SCYL2: variants seen among roughly 807,000 people sequenced by gnomAD.
SCYL2 encodes SCY1 like pseudokinase 2, also known as SCY1-like protein 2.
SCYL2 carries 36 observed loss-of-function variants against 100.4 expected under a neutral mutation model. The ratio of observed to expected loss-of-function variants is 0.36; its 90% confidence interval spans 0.27 to 0.47. The LOEUF (loss-of-function observed/expected upper bound fraction) is 0.47. Among genes scored for constraint, SCYL2 ranks in the 20% least tolerant of loss-of-function variants. The pLI, the probability that SCYL2 is intolerant of heterozygous loss-of-function variation, is 1.00. For missense variants in SCYL2, 902 were observed against 1,083.9 expected (o/e 0.83, Z 2.36); for synonymous variants, 330 against 359.2 (o/e 0.92, Z 0.92).
intron 11 of SCYL2, among the ~76,000 whole-genome samples, chr12:100,324,388 G>A (rs2096359516): frequency 6.6e-6 from 1 of 152,038 alleles, no homozygotes; most frequent in Non-Finnish European, 1.5e-5. Context: ...TGCCTGACCA[G>A]TTCTTGATAT....
chr12:100,321,525 C>T (rs971461782), intron 10 of SCYL2, among the ~76,000 whole-genome samples: 21 of 152,192 alleles, frequency 1.4e-4, no homozygotes, highest in African/African-American at 4.8e-4. Context: ...TGCCAGTTAT[C>T]ATTTCTACTA....
chr12:100,320,373 C>T (rs542071197), intron 10 of SCYL2, among the ~76,000 whole-genome samples: 12 of 151,856 alleles, frequency 7.9e-5, no homozygotes, highest in Non-Finnish European at 1.5e-4. Context: ...GGCGAAACCC[C>T]GTCTCTACTA....
At chr12:100,300,077 A>G (rs954420266) in intron 4 of SCYL2, among the ~76,000 whole-genome samples, 1 of 152,140 alleles carries the variant, frequency 6.6e-6, no homozygotes, top group Non-Finnish European at 1.5e-5. Context: ...GTAGTATCTC[A>G]TAGTGCTTTT....
chr12:100,294,356 A>AG (rs2096314804), intron 3 of SCYL2, among the ~76,000 whole-genome samples: 1 of 39,994 alleles, frequency 2.5e-5, no homozygotes. Flanking sequence ...CTCACCTCCC[A>AG]GACGGGGCGG....
chr12:100,275,647 T>C (rs1430831177), intron 1 of SCYL2, among the ~76,000 whole-genome samples: 1 of 152,248 alleles, frequency 6.6e-6, no homozygotes, highest in Non-Finnish European at 1.5e-5. Context: ...ATTCTTTCTT[T>C]GCAGTCCGAA....
At chr12:100,309,837 G>A (rs1023695482) in intron 4 of SCYL2, among the ~76,000 whole-genome samples, 4 of 152,094 alleles carry the variant, frequency 2.6e-5, no homozygotes, top group African/African-American at 9.7e-5. Context: ...ATTTTTGGGG[G>A]GAACAATTAT....
rs891462362 is a variant in SCYL2, at chr12:100,296,030, T to C, written c.336-2001T>C. On this transcript the variant is annotated intron_variant, in intron 3 of 17. Transcript: ENST00000360820. ...GCAGAATTACATGTCTTATATCTCA[T>C]AATTACATTTCAAGTCTCTTGAGGG... Among the ~76,000 whole-genome samples the C allele has an allele frequency of 2.0e-5, 3 of 152,212 alleles. No homozygotes were observed. The South Asian group carries it at 6.2e-4, about 31-fold the overall frequency.
intron 4 of SCYL2, among the ~76,000 whole-genome samples, chr12:100,307,035 G>A (rs1476325164): frequency 1.3e-5 from 2 of 152,194 alleles, no homozygotes; most frequent in Non-Finnish European, 2.9e-5. Flanking sequence ...CACATGGATA[G>A]GAAGAATTAA....
chr12:100,306,775 T>C (rs927344217), intron 4 of SCYL2, among the ~76,000 whole-genome samples: 1 of 152,172 alleles, frequency 6.6e-6, no homozygotes, highest in South Asian at 2.1e-4. Flanking sequence ...AATCTCCTTA[T>C]GCTGATAAGC....
intron 4 of SCYL2, among the ~76,000 whole-genome samples, chr12:100,306,987 AT>A: frequency 6.6e-6 from 1 of 152,350 alleles, no homozygotes. Flanking sequence ...CCTGAAGGAA[AT>A]AAGAGAGGAC....
At chr12:100,281,117 C>T (rs566479736) in intron 1 of SCYL2, among the ~76,000 whole-genome samples, 1 of 146,586 alleles carries the variant, frequency 6.8e-6, no homozygotes, top group East Asian at 2.1e-4. Flanking sequence ...CAGCCTCCCT[C>T]TCCCGGGCTC....
At chr12:100,326,581 G>C in intron 11 of SCYL2, 41 bp from the exon 12 acceptor site, 1 of 1,447,730 alleles carries the variant, frequency 6.9e-7, no homozygotes, top group Non-Finnish European at 9.3e-7. Context: ...TCTAGATTTT[G>C]AAAACTTTTA....
chr12:100,294,271 C>T (rs572148107), intron 3 of SCYL2, among the ~76,000 whole-genome samples: 1,483 of 136,046 alleles, frequency 0.011, no homozygotes, highest in African/African-American at 0.038. Context: ...CCCCCAACCT[C>T]CCTCCCGGAC....
Position 100,298,182 on chromosome 12 carries a change from A to AT in SCYL2, c.480+12dup. On this transcript the variant is annotated splice_region_variant and intron_variant, in intron 4 of 17. Coordinates refer to ENST00000360820, the MANE Select transcript of SCYL2 (RefSeq NM_017988.6). ...CAAATATGGTTTGCTTCAGGTATGT[A>AT]TTTTTATTCATCATGTAAAAAAGAG... 1 of 1,506,726 alleles carries AT rather than the reference A, an allele frequency of 6.6e-7. No homozygotes were observed. The highest frequency in any genetic ancestry group is 8.9e-7 in the Non-Finnish European group (1 of 1,121,960). 93.3% of individuals were successfully genotyped at this position (1,506,726 alleles called of 1,614,324 possible).
intron 1 of SCYL2, 119 bp from the exon 2 acceptor site, chr12:100,282,824 C>A (rs2096300354): frequency 4.6e-6 from 2 of 430,434 alleles, no homozygotes; most frequent in Non-Finnish European, 4.0e-6. Flanking sequence ...CAACTTTCAT[C>A]TATATAGGAT....
chr12:100,320,458 G>C lies in SCYL2; in HGVS notation c.1395+2533G>C, dbSNP rs535130107. Among the ~76,000 whole-genome samples the C allele has an allele frequency of 2.6e-5, 4 of 152,202 alleles. No homozygotes were observed. The East Asian group carries it at 7.8e-4, about 30-fold the overall frequency. On this transcript the variant is annotated intron_variant, in intron 10 of 17. Transcript: ENST00000360820. ...GCTACTCAGGAGGCTGAGGCAGGGA[G>C]AATGGCTTGAACCCGGGAGGCGGAG...
chr12:100,317,808 GT>G lies in SCYL2; in HGVS notation c.1280del (p.Leu427Ter). The G allele has an allele frequency of 6.3e-7, 1 of 1,596,060 alleles. No individual in the cohort carries two copies. The highest frequency in any genetic ancestry group is 8.5e-7 in the Non-Finnish European group (1 of 1,176,124). On this transcript the variant is annotated frameshift_variant, in exon 10 of 18. Coordinates refer to ENST00000360820, the MANE Select transcript of SCYL2 (RefSeq NM_017988.6). LOFTEE classifies it high-confidence loss of function. The part of the protein sequence containing the change: ...FKQQEPIQIL[L>X]IFLQKMDLLL... The stretch of plus-strand genomic sequence containing the variant: ...TGTTTCCGTTTTCTAAACAGATTTT[GT>G]TAATTTTCCTACAAAAAATGGATTT...
At chr12:100,271,937 A>G (rs749948973) in intron 1 of SCYL2, among the ~76,000 whole-genome samples, 11 of 152,226 alleles carry the variant, frequency 7.2e-5, no homozygotes, top group Admixed American at 2.6e-4. Context: ...ATGAGCAGGC[A>G]GGACTGAAAG....
rs148923071 is a variant in SCYL2 at position 100,277,869 on chromosome 12, T to C, written c.-28-5074T>C. ...ATCTCTACAATTTAGTTATATCACT[T>C]TATTATTTTGTTGTTATTTTTATTT... On this transcript the variant is annotated intron_variant, in intron 1 of 17. Transcript: ENST00000360820. Among the ~76,000 whole-genome samples the C allele has an allele frequency of 5.9e-5, 9 of 152,238 alleles. No individual in the cohort carries two copies. The East Asian group carries it at 1.7e-3, about 29-fold the overall frequency.
Sources: allele counts gnomAD v4.1 joint callset (sites outside exome capture counted in the v4.1 genomes callset), GRCh38; gene constraint gnomAD v4.1.1; transcripts MANE v1.5; gene names NCBI Gene and HGNC (gene_info 2026-07-23, HGNC 2026-07-21).